Variants in DEFB124 observed in about 807,000 individuals in gnomAD.
The protein encoded by DEFB124 is beta-defensin 124.
For synonymous variants in DEFB124, 38 were observed against 36.5 expected (o/e 1.04, Z -0.15); for missense variants, 78 against 83.1 (o/e 0.94, Z 0.24).
chr20:31,473,111 G>A, intron 1 of DEFB124, 73 bp from the exon 2 acceptor site: 1 of 1,337,094 alleles, frequency 7.5e-7, no homozygotes, highest in Non-Finnish European at 1.0e-6. Context: ...TTATTGAGCT[G>A]CAGATGAAGG....
At chr20:31,473,832 G>A (rs1272166962) in intron 1 of DEFB124, among the ~76,000 whole-genome samples, 4 of 152,152 alleles carry the variant, frequency 2.6e-5, no homozygotes, top group Non-Finnish European at 4.4e-5. Flanking sequence ...GGTGGGTCCC[G>A]GCAAAATGTG....
intron 1 of DEFB124, among the ~76,000 whole-genome samples, chr20:31,473,553 A>C (rs1479104722): frequency 6.6e-6 from 1 of 152,182 alleles, no homozygotes; most frequent in Admixed American, 6.5e-5. Flanking sequence ...TTAGGGGACT[A>C]AATGAAGTAA....
At chr20:31,468,396 G>A (rs1365751780) in intron 2 of DEFB124, among the ~76,000 whole-genome samples, 1 of 152,202 alleles carries the variant, frequency 6.6e-6, no homozygotes, top group Admixed American at 6.5e-5. Context: ...GGAGAGGGAA[G>A]TGAATAACAA....
intron 2 of DEFB124, among the ~76,000 whole-genome samples, chr20:31,467,579 C>T (rs1474934841): frequency 6.6e-6 from 1 of 152,154 alleles, no homozygotes; most frequent in Non-Finnish European, 1.5e-5. Flanking sequence ...AAATAGGAGG[C>T]AAGATTATCA....
chr20:31,474,525 A>C (rs1980421581), intron 1 of DEFB124, among the ~76,000 whole-genome samples, 102 bp downstream of exon 1: 1 of 152,122 alleles, frequency 6.6e-6, no homozygotes, highest in South Asian at 2.1e-4. Context: ...GACACACCCC[A>C]ATTTCTCAAG....
intron 2 of DEFB124, among the ~76,000 whole-genome samples, chr20:31,470,388 C>G (rs1980215248): frequency 1.4e-5 from 2 of 139,868 alleles, no homozygotes; most frequent in South Asian, 2.2e-4. Flanking sequence ...GGGCTGACCC[C>G]CCCACCTCCC....
At chr20:31,472,874 C>T (rs1203982592) in intron 2 of DEFB124, 82 bp downstream of exon 2, 59 of 1,515,208 alleles carry the variant, frequency 3.9e-5, no homozygotes, top group Non-Finnish European at 4.9e-5. Context: ...CTCTGTCCTC[C>T]AGGACCTGAG....
chr20:31,471,194 C>G (rs1361830754), intron 2 of DEFB124, among the ~76,000 whole-genome samples: 1 of 138,120 alleles, frequency 7.2e-6, no homozygotes, highest in East Asian at 2.3e-4. Flanking sequence ...GCTGACTCCC[C>G]CACCTCCCTC....
chr20:31,465,555 A>T lies in DEFB124; in HGVS notation c.167T>A (p.Leu56His). The change falls in exon 3 of 3, where the codon CTC becomes CAC. Residue 56 changes from leucine (L) to histidine (H), a missense_variant. Physicochemically the swap from Leu to His is moderately conservative, Grantham distance 99 (BLOSUM62 -3). Transcript: ENST00000317676. The stretch of plus-strand genomic sequence containing the variant: ...CGGTGGAGGTTTCAATGCATAGGAG[A>T]GACAGCACAGGGACGCATCCGGGCA... ...HLCPDASLCC[L>H]SYALKPPPVP... 2 of 1,614,190 alleles carry T rather than the reference A, an allele frequency of 1.2e-6. No individual in the cohort carries two copies. The highest frequency in any genetic ancestry group is 2.2e-5 in the South Asian group (2 of 91,076).
At chr20:31,471,518 G>A (rs1331134011) in intron 2 of DEFB124, among the ~76,000 whole-genome samples, 4 of 141,194 alleles carry the variant, frequency 2.8e-5, no homozygotes, top group African/African-American at 1.0e-4. Context: ...CCTCCCGGAC[G>A]GGGCGGCTGG....
At position 31,473,020 on chromosome 20, in the gene DEFB124, G is replaced by C. The variant is rs201742635; in HGVS notation, c.-7C>G. ...ACAGAAGCAGCTGTGTCATGGCCAC[G>C]GGGCTCCTGGGGAGGCTGCTGGAGA... On this transcript the variant is annotated 5_prime_UTR_variant, in exon 2 of 3. Coordinates refer to ENST00000317676, the MANE Select transcript of DEFB124 (RefSeq NM_001037500.2). 1.2e-4 allele frequency: 192 copies of C among 1,613,900 alleles called. No homozygotes were observed. The African/African-American group carries it at 2.3e-3, about 19-fold the overall frequency.
chr20:31,471,373 C>T (rs1362323204), intron 2 of DEFB124, among the ~76,000 whole-genome samples: 1 of 112,512 alleles, frequency 8.9e-6, no homozygotes, highest in East Asian at 3.0e-4. Flanking sequence ...GACCCCCCCA[C>T]CTCCCTCCCG....
intron 2 of DEFB124, 51 bp from the exon 3 acceptor site, chr20:31,465,714 A>C (rs1173550453): frequency 6.3e-7 from 1 of 1,593,596 alleles, no homozygotes; most frequent in Admixed American, 1.7e-5. Context: ...GTCACACGTT[A>C]GACCACTGGT....
At chr20:31,473,894 C>T (rs750783077) in intron 1 of DEFB124, among the ~76,000 whole-genome samples, 76 of 152,150 alleles carry the variant, frequency 5.0e-4, no homozygotes, top group Non-Finnish European at 8.8e-4. Context: ...TTTGAGAACC[C>T]CTGAGATAAT....
intron 1 of DEFB124, among the ~76,000 whole-genome samples, chr20:31,473,820 T>G (rs145712084): frequency 2.6e-5 from 4 of 152,286 alleles, no homozygotes; most frequent in African/African-American, 9.6e-5. Flanking sequence ...GATGAGAGTA[T>G]GGGTGGGTCC....
chr20:31,470,369 C>G (rs1980212918), intron 2 of DEFB124, among the ~76,000 whole-genome samples: 1 of 140,870 alleles, frequency 7.1e-6, no homozygotes, highest in Non-Finnish European at 1.5e-5. Flanking sequence ...GGGTGGCTGG[C>G]CGGGCGGGGG....
chr20:31,470,801 T>C (rs1237546293), intron 2 of DEFB124, among the ~76,000 whole-genome samples: 9 of 124,840 alleles, frequency 7.2e-5, no homozygotes, highest in Middle Eastern at 7.9e-3. Context: ...GCCCCTCACC[T>C]CCCGGACGGG....
intron 2 of DEFB124, among the ~76,000 whole-genome samples, chr20:31,471,206 C>T (rs1418676803): frequency 2.1e-5 from 3 of 140,672 alleles, no homozygotes; most frequent in Non-Finnish European, 4.7e-5. Context: ...ACCTCCCTCC[C>T]GGACGGGGTG....
At chr20:31,470,176 C>T (rs1980200392) in intron 2 of DEFB124, among the ~76,000 whole-genome samples, 3 of 143,848 alleles carry the variant, frequency 2.1e-5, no homozygotes, top group Middle Eastern at 3.7e-3. Flanking sequence ...CCCTCACCTC[C>T]CGGACGGGGC....
Sources: gnomAD v4.1 joint callset for allele counts (sites outside exome capture counted in the v4.1 genomes callset) on GRCh38, gnomAD v4.1.1 for gene constraint, MANE v1.5 for transcripts, NCBI Gene and HGNC (gene_info 2026-07-23, HGNC 2026-07-21) for gene names.